MCF2L: variants seen among roughly 807,000 people sequenced by gnomAD.
MCF2L encodes guanine nucleotide exchange factor DBS.
Under a neutral mutation model 153.4 loss-of-function variants are expected in MCF2L, and 97 were observed. The observed-to-expected ratio is 0.63, with a 90% CI of 0.54 to 0.75. The LOEUF (loss-of-function observed/expected upper bound fraction) is 0.75. Ranked by LOEUF, MCF2L falls within the 30% of genes least tolerant of loss-of-function variation. The pLI is 0.00. For synonymous variants in MCF2L, 659 were observed against 632.2 expected, an observed-to-expected ratio of 1.04 and a Z score of -0.64; for missense variants, 1,347 against 1,495.2, an observed-to-expected ratio of 0.90 and a Z score of 1.64.
At position 113,075,120 on chromosome 13, in the gene MCF2L, C is replaced by T; in HGVS notation, c.1239C>T (p.Phe413=). 1 of 1,613,414 alleles carries T rather than the reference C, an allele frequency of 6.2e-7. No homozygotes were observed. The highest frequency in any genetic ancestry group is 8.5e-7 in the Non-Finnish European group (1 of 1,179,902). ...CQELRHLCDQ[F]SAEIARRRGL... The stretch of plus-strand genomic sequence containing the variant: ...AGCTCCGGCACCTCTGTGACCAGTT[C>T]TCTGCGGAGATCGCAAGGAGGAGGG... Residue 413 remains phenylalanine, a synonymous_variant, in exon 11 of 30, where the codon TTC becomes TTT. Transcript: ENST00000535094.
In MCF2L at chr13:113,070,438, T is replaced by G. The variant is rs2032788790; in HGVS notation, c.996+265T>G. The G allele has an allele frequency of 3.8e-6, 1 of 264,692 alleles. No individual in the cohort carries two copies. Among genetic ancestry groups the G allele is most frequent in the Non-Finnish European group, 7.1e-6 (1 of 140,832 alleles). 16.4% of individuals were successfully genotyped at this position (264,692 alleles called of 1,614,324 possible). A position where few individuals can be genotyped will look rare whatever the true frequency, so the allele number is the denominator to read the frequency against. The stretch of plus-strand genomic sequence containing the variant: ...CACTTACACTGCATTATTCGTAAAG[T>G]AGCAGGAAGCCTTTGCTCTCCCTTC... On this transcript the variant is annotated intron_variant, in intron 9 of 29. Coordinates refer to ENST00000535094, the MANE Select transcript of MCF2L (RefSeq NM_001112732.3). This position sits in a 1 kb window ranked among gnomAD's most constrained non-coding sequence, Gnocchi z 5.6.
chr13:113,032,986 AG>A, intron 3 of MCF2L, among the ~76,000 whole-genome samples: 1 of 147,716 alleles, frequency 6.8e-6, no homozygotes, highest in Non-Finnish European at 1.5e-5. Flanking sequence ...CTGTGATGTG[AG>A]TGGCCCCCGT....
intron 4 of MCF2L, among the ~76,000 whole-genome samples, chr13:113,057,960 TTGG>T (rs1181756450): frequency 1.4e-5 from 2 of 142,710 alleles, no homozygotes; most frequent in East Asian, 2.2e-4. Context: ...GCTGAGTGTT[TTGG>T]CACTGTTTGG....
At chr13:112,912,969 T>C (rs2140529263) in intron 2 of MCF2L, among the ~76,000 whole-genome samples, 1 of 151,382 alleles carries the variant, frequency 6.6e-6, no homozygotes. Context: ...TGTGTCTGTA[T>C]GTATGGGGTG....
Position 113,031,018 on chromosome 13 carries a change from G to A in MCF2L, c.278+6260G>A, listed in dbSNP as rs1202710990. ...GCAGGGCTGTGGGAAAACAATGTGAGAAAGAAAGAGAGACAGAGAGACAGA... is the reference window on the plus strand; with the variant it reads ...GCAGGGCTGTGGGAAAACAATGTGAAAAAGAAAGAGAGACAGAGAGACAGA... On this transcript the variant is annotated intron_variant, in intron 3 of 29. Transcript: ENST00000535094. The surrounding 1 kb of genome is among the most constrained non-coding windows in gnomAD (Gnocchi z 5.5). Among the ~76,000 whole-genome samples the A allele has an allele frequency of 6.6e-6, 1 of 152,116 alleles. No homozygotes were observed. The highest frequency in any genetic ancestry group is 1.5e-5 in the Non-Finnish European group (1 of 68,028).
chr13:112,907,493 G>A lies in MCF2L; in HGVS notation c.169+5122G>A, dbSNP rs2081184937. 6.6e-6 allele frequency among the ~76,000 whole-genome samples: 1 copy of A among 152,250 alleles called. No homozygotes were observed. Among genetic ancestry groups the A allele is most frequent in the African/African-American group, 2.4e-5 (1 of 41,560 alleles). ...TCCAGCATGGGTCAGTCGCGGCTTGGTGGAGAATGGCTGAATCCTGGCAAC... is the reference window on the plus strand; with the variant it reads ...TCCAGCATGGGTCAGTCGCGGCTTGATGGAGAATGGCTGAATCCTGGCAAC... On this transcript the variant is annotated intron_variant, in intron 2 of 29. Transcript: ENST00000375608. The surrounding 1 kb of genome is among the most constrained non-coding windows in gnomAD (Gnocchi z 5.1).
rs570189507 is a variant in MCF2L at position 113,013,657 on chromosome 13, G to A, written c.80-1106G>A. 1.4e-4 allele frequency among the ~76,000 whole-genome samples: 22 copies of A among 152,372 alleles called. No homozygotes were observed. In the East Asian group the frequency reaches 4.2e-3, roughly 29 times the overall value. On this transcript the variant is annotated intron_variant, in intron 1 of 29. Coordinates refer to ENST00000535094, the MANE Select transcript of MCF2L (RefSeq NM_001112732.3). ...CTGTTAGTGACCTGGGTCCTCAGGT[G>A]TGGAAAAATTGAGCGTTTAAGCCAT...
intron 1 of MCF2L, among the ~76,000 whole-genome samples, chr13:112,973,841 T>C (rs1239740091): frequency 2.0e-5 from 3 of 152,170 alleles, no homozygotes; most frequent in South Asian, 4.1e-4. Context: ...AGGCAGCACC[T>C]GAGAAGGGGA....
In MCF2L at chr13:112,895,300, G is replaced by A. The variant is rs576087305; in HGVS notation, c.-5+869G>A. Among the ~76,000 whole-genome samples, 156 of 152,278 alleles carry A rather than the reference G, an allele frequency of 1.0e-3. 2 individuals are homozygous for A. The South Asian group carries it at 0.017, about 17-fold the overall frequency. On this transcript the variant is annotated intron_variant, in intron 1 of 29. Coordinates refer to the MCF2L transcript ENST00000375608. ...ACCCTCACAGAGCCGGGACCCCGAA[G>A]GGGTTAAGGTGGCCCGGGCCGCCCA...
chr13:112,979,489 A>T, intron 1 of MCF2L: 1 of 1,435,876 alleles, frequency 7.0e-7, no homozygotes. Flanking sequence ...GGCGAAGCCC[A>T]GAGTCACCAG....
At chr13:112,982,468 G>A (rs1288051466) in intron 1 of MCF2L, among the ~76,000 whole-genome samples, 4 of 152,212 alleles carry the variant, frequency 2.6e-5, no homozygotes, top group Non-Finnish European at 4.4e-5. Flanking sequence ...GCAGGTGGCC[G>A]GGGGCATCTC....
At chr13:113,090,222 G>A (rs2035072557) in intron 26 of MCF2L, 7 of 1,444,950 alleles carry the variant, frequency 4.8e-6, no homozygotes, top group Non-Finnish European at 6.5e-6. Flanking sequence ...TGCATCGTGT[G>A]TGACCATTCG....
rs908271392 is a variant in MCF2L, at chr13:113,084,792, C to T, written c.2062-100C>T. 55 of 866,396 alleles carry T rather than the reference C, an allele frequency of 6.3e-5. No homozygotes were observed. In the Middle Eastern group the frequency reaches 8.9e-4, roughly 14 times the overall value. The allele number at this position is 866,396 out of a possible 1,614,324, so 53.7% of individuals were successfully genotyped here. A position where few individuals can be genotyped will look rare whatever the true frequency, so the allele number is the denominator to read the frequency against. On this transcript the variant is annotated intron_variant, in intron 18 of 29. Coordinates refer to ENST00000535094, the MANE Select transcript of MCF2L (RefSeq NM_001112732.3). ...AGGGCCGGGAAGACGCTGCGTGATG[C>T]GGTGCCCGTCCCTCACCGCGTAATG... is the stretch of plus-strand genomic sequence containing the variant.
chr13:112,917,736 A>G (rs2081309516), intron 2 of MCF2L, among the ~76,000 whole-genome samples: 1 of 152,064 alleles, frequency 6.6e-6, no homozygotes, highest in South Asian at 2.1e-4. Flanking sequence ...AGGTACTTCC[A>G]CTGGATGGGT....
In MCF2L at chr13:113,080,323, G is replaced by A. The variant is rs1027966449; in HGVS notation, c.1809-890G>A. Among the ~76,000 whole-genome samples the A allele has an allele frequency of 3.9e-5, 6 of 152,208 alleles. No homozygotes were observed. In the East Asian group the frequency reaches 7.7e-4, roughly 20 times the overall value. ...CGGAGGAGGGTCTAGGCAGAGGGGC[G>A]TCCGCAGGGAGGAGCAGCAAGTGCT... On this transcript the variant is annotated intron_variant, in intron 15 of 29. Coordinates refer to ENST00000535094, the MANE Select transcript of MCF2L (RefSeq NM_001112732.3).
In MCF2L at chr13:113,077,166, G is replaced by A; in HGVS notation, c.1615G>A (p.Ala539Thr). The change falls in exon 13 of 30, where the codon GCC (alanine) becomes ACC (threonine). Residue 539 changes from alanine (A) to threonine (T), a missense_variant. Transcript: ENST00000535094. ...GCAGACGCGGCCCGTGCAGCCGGTG[G>A]CCCCCAGACCCGAGGCACTGGCAAA... ...ARQTRPVQPV[A>T]PRPEALAKSP... 1.2e-6 allele frequency: 2 copies of A among 1,609,836 alleles called. No homozygotes were observed. The highest frequency in any genetic ancestry group is 1.7e-6 in the Non-Finnish European group (2 of 1,178,504).
intron 2 of MCF2L, among the ~76,000 whole-genome samples, chr13:112,942,005 G>A (rs1266638801): frequency 2.0e-5 from 3 of 152,232 alleles, no homozygotes; most frequent in Non-Finnish European, 4.4e-5. Flanking sequence ...CCATGGTCTA[G>A]CGGTAGCGTC....
intron 17 of MCF2L, among the ~76,000 whole-genome samples, chr13:113,083,411 G>A (rs1250585174): frequency 6.6e-6 from 1 of 152,240 alleles, no homozygotes; most frequent in East Asian, 1.9e-4. Flanking sequence ...AGCTTGGGCA[G>A]AACCTTAGTG....
At chr13:113,044,414 C>G in intron 3 of MCF2L, 1 of 415,998 alleles carries the variant, frequency 2.4e-6, no homozygotes, top group South Asian at 2.2e-5. Flanking sequence ...TCACAGAGAG[C>G]GGCCACGCCC....
Sources: allele counts gnomAD v4.1 joint callset (sites outside exome capture counted in the v4.1 genomes callset), GRCh38; gene constraint gnomAD v4.1.1; non-coding constraint Gnocchi (gnomAD v3.1); transcripts MANE v1.5; gene names NCBI Gene and HGNC (gene_info 2026-07-23, HGNC 2026-07-21).